RNF157: variants seen among roughly 807,000 people sequenced by gnomAD.
The protein encoded by RNF157 is E3 ubiquitin ligase RNF157.
A neutral mutation model predicts 88.3 loss-of-function variants in RNF157; 55 were observed. The ratio of observed to expected loss-of-function variants is 0.62; its 90% CI spans 0.50 to 0.78. The LOEUF is 0.78. Among genes scored for constraint, RNF157 ranks in the 30% least tolerant of loss-of-function variants. The pLI, the probability that RNF157 is intolerant of heterozygous loss-of-function variation, is 0.00. For missense variants in RNF157, 788 were observed against 860.8 expected (o/e 0.92, Z 1.06); for synonymous variants, 334 against 341.2 (o/e 0.98, Z 0.23).
chr17:76,200,237 G>A lies in RNF157; in HGVS notation c.207+12127C>T, dbSNP rs111240771. ...AGCCTGGGCGACAGAGCGGGACTCCGTCTTGTCAAAAAAAAAAACAAAAAC... is the reference window on the plus strand; with the variant it reads ...AGCCTGGGCGACAGAGCGGGACTCCATCTTGTCAAAAAAAAAAACAAAAAC... On this transcript the variant is annotated intron_variant, in intron 2 of 18. Transcript: ENST00000269391. Among the ~76,000 whole-genome samples the A allele has an allele frequency of 7.6e-3, 1,151 of 150,658 alleles. 18 individuals carry two copies. The highest frequency in any genetic ancestry group is 0.026 in the African/African-American group (1,078 of 41,064).
At chr17:76,206,872 CT>C (rs1224320513) in intron 2 of RNF157, among the ~76,000 whole-genome samples, 96 of 152,194 alleles carry the variant, frequency 6.3e-4, no homozygotes, top group Non-Finnish European at 1.2e-4. Context: ...GCTAACATTG[CT>C]GCATGCTGCT....
chr17:76,188,055 C>A (rs899527209), intron 2 of RNF157, among the ~76,000 whole-genome samples: 1 of 152,180 alleles, frequency 6.6e-6, no homozygotes, highest in Non-Finnish European at 1.5e-5. Context: ...TCAGTCACCC[C>A]CCAATAGCAG....
At chr17:76,220,599 A>G (rs2069964892) in intron 1 of RNF157, among the ~76,000 whole-genome samples, 1 of 152,106 alleles carries the variant, frequency 6.6e-6, no homozygotes. Context: ...CCTTGAGCCC[A>G]GAAGTTTGAG....
chr17:76,200,391 C>G (rs371809616), intron 2 of RNF157, among the ~76,000 whole-genome samples: 1 of 152,276 alleles, frequency 6.6e-6, no homozygotes, highest in East Asian at 1.9e-4. Flanking sequence ...ATTATTCAGC[C>G]TTAAAAAGGA....
rs1213400329 is a variant in RNF157 at position 76,195,137 on chromosome 17, C to G, written c.207+17227G>C. On this transcript the variant is annotated intron_variant, in intron 2 of 18. Transcript: ENST00000269391. This position sits in a 1 kb window ranked among gnomAD's most constrained non-coding sequence, Gnocchi z 4.4. ...TCAGGAGAACAGAAAGGGCCGAAAT[C>G]CCAAATGGCAGAAACATATTCATGT... Among the ~76,000 whole-genome samples the G allele has an allele frequency of 6.6e-6, 1 of 152,182 alleles. No homozygotes were observed. The highest frequency in any genetic ancestry group is 1.5e-5 in the Non-Finnish European group (1 of 68,030).
At position 76,232,715 on chromosome 17, in the gene RNF157, T is replaced by C. The variant is rs565010869; in HGVS notation, c.88+7438A>G. On this transcript the variant is annotated intron_variant, in intron 1 of 18. Transcript: ENST00000269391. Reference sequence around the variant, plus strand: ...TACTATTTTACATTTCCCATAACACTTCATAAAGATTCCAATTCCTCTGCA... The same window carrying C: ...TACTATTTTACATTTCCCATAACACCTCATAAAGATTCCAATTCCTCTGCA... Among the ~76,000 whole-genome samples the C allele has an allele frequency of 5.9e-5, 9 of 152,336 alleles. No individual in the cohort carries two copies. In the East Asian group the frequency reaches 1.5e-3, roughly 26 times the overall value.
chr17:76,159,534 G>A lies in RNF157; in HGVS notation c.1105C>T (p.Leu369Phe). The A allele has an allele frequency of 6.2e-7, 1 of 1,600,948 alleles. No individual in the cohort carries two copies. The highest frequency in any genetic ancestry group is 1.7e-4 in the Middle Eastern group (1 of 6,010). ...NIPPGYEVVS[L>F]LEALNGPLTP... ...AGGGGCCCGTTGAGGGCCTCCAGAAGAGATACTACTTCATAGCCTGGTGGA... is the reference window on the plus strand; with the variant it reads ...AGGGGCCCGTTGAGGGCCTCCAGAAAAGATACTACTTCATAGCCTGGTGGA... The change falls in exon 12 of 19, where the codon CTT (leucine) becomes TTT (phenylalanine). Residue 369 changes from leucine to phenylalanine, a missense_variant. Coordinates refer to ENST00000269391, the MANE Select transcript of RNF157 (RefSeq NM_052916.3).
chr17:76,204,928 G>C (rs2069653374), intron 2 of RNF157, among the ~76,000 whole-genome samples: 3 of 151,696 alleles, frequency 2.0e-5, no homozygotes, highest in Admixed American at 1.3e-4. Flanking sequence ...GGGATTACAA[G>C]CACCTGCCAC....
chr17:76,214,355 GT>G (rs1209346118), intron 1 of RNF157, among the ~76,000 whole-genome samples: 6 of 152,150 alleles, frequency 3.9e-5, no homozygotes, highest in East Asian at 1.9e-4. Flanking sequence ...GAGAAACTGA[GT>G]TTTTTTCCTA....
At chr17:76,208,339 G>T (rs2069717415) in intron 2 of RNF157, among the ~76,000 whole-genome samples, 1 of 152,190 alleles carries the variant, frequency 6.6e-6, no homozygotes, top group Admixed American at 6.5e-5. Flanking sequence ...AGCAAAAATG[G>T]CAGCATGGTT....
In RNF157 at chr17:76,226,629, C is replaced by G. The variant is rs987529184; in HGVS notation, c.88+13524G>C. 3.7e-6 allele frequency: 6 copies of G among 1,612,898 alleles called. No homozygotes were observed. The African/African-American group carries it at 8.0e-5, about 22-fold the overall frequency. ...ACCAACCCATCCACAGTCAGCCATT[C>G]GGAGGAGCCCGCCTTAGCCTTGTCG... On this transcript the variant is annotated intron_variant, in intron 1 of 18. Coordinates refer to ENST00000269391, the MANE Select transcript of RNF157 (RefSeq NM_052916.3).
chr17:76,155,307 G>C lies in RNF157; in HGVS notation c.1709C>G (p.Ala570Gly), dbSNP rs1245133315. ...AGCAAAGTTGCTGTCTGGAGACTCC[G>C]CTGGCAGCCCCTGCAGAAGAGCACA... ...APSEEGEGLPAESPDSNFAGL... is the reference protein window; with the variant it reads ...APSEEGEGLPGESPDSNFAGL... The change falls in exon 16 of 19, where the codon GCG becomes GGG. Residue 570 changes from alanine (A) to glycine (G), a missense_variant. Coordinates refer to ENST00000269391, the MANE Select transcript of RNF157 (RefSeq NM_052916.3). 1 of 1,614,074 alleles carries C rather than the reference G, an allele frequency of 6.2e-7. No individual in the cohort carries two copies. The highest frequency in any genetic ancestry group is 1.7e-5 in the Admixed American group (1 of 60,036).
Position 76,158,324 on chromosome 17 carries a change from T to C in RNF157, c.1413+69A>G, listed in dbSNP as rs569732057. On this transcript the variant is annotated intron_variant, in intron 13 of 18. Transcript: ENST00000269391. ...AGTGAATGAGAGCAGAGGGACCTGA[T>C]GAGGCATGCAGGTAGGAGGGAAGTC... The C allele has an allele frequency of 3.9e-4, 389 of 995,454 alleles. 1 individual carries two copies. The highest frequency in any genetic ancestry group is 5.9e-4 in the Non-Finnish European group (367 of 623,676). The allele number at this position is 995,454 out of a possible 1,614,324, so 61.7% of individuals were successfully genotyped here.
intron 1 of RNF157, among the ~76,000 whole-genome samples, chr17:76,229,646 A>G (rs567104085): frequency 6.6e-6 from 1 of 152,186 alleles, no homozygotes; most frequent in Non-Finnish European, 1.5e-5. Context: ...AGGAGGAGGA[A>G]TCAAGGGCAC....
intron 13 of RNF157, 198 bp from the exon 14 acceptor site, chr17:76,156,519 G>T: frequency 7.1e-7 from 1 of 1,412,414 alleles, no homozygotes; most frequent in Non-Finnish European, 9.2e-7. Flanking sequence ...CCTCCCAGGG[G>T]AGGCGCACAC....
chr17:76,146,249 G>T lies in RNF157; in HGVS notation c.1922-896C>A. 1.5e-6 allele frequency: 1 copy of T among 652,664 alleles called. No homozygotes were observed. Among genetic ancestry groups the T allele is most frequent in the Non-Finnish European group, 1.9e-6 (1 of 526,042 alleles). The allele number at this position is 652,664 out of a possible 1,614,324, so 40.4% of individuals were successfully genotyped here. On this transcript the variant is annotated intron_variant, in intron 18 of 18. Coordinates refer to ENST00000269391, the MANE Select transcript of RNF157 (RefSeq NM_052916.3). The surrounding 1 kb of genome is among the most constrained non-coding windows in gnomAD (Gnocchi z 4.2). Reference sequence around the variant, plus strand: ...GACCTTGGGCACATCAGTTTACTGTGGGCCTTGGTTTTCTCACCCATCAGA... The same window carrying T: ...GACCTTGGGCACATCAGTTTACTGTTGGCCTTGGTTTTCTCACCCATCAGA...
chr17:76,187,939 G>A (rs773955465), intron 2 of RNF157, among the ~76,000 whole-genome samples: 1 of 152,006 alleles, frequency 6.6e-6, no homozygotes, highest in Non-Finnish European at 1.5e-5. Flanking sequence ...AAAGATGTGC[G>A]GAAACCCTAA....
At chr17:76,218,132 G>T (rs1768792004) in intron 1 of RNF157, among the ~76,000 whole-genome samples, 1 of 152,070 alleles carries the variant, frequency 6.6e-6, no homozygotes, top group Admixed American at 6.6e-5. Context: ...AAAGGTATGA[G>T]CCAGAATGAT....
rs141160254 is a variant in RNF157 at position 76,193,070 on chromosome 17, C to T, written c.208-19280G>A. Among the ~76,000 whole-genome samples the T allele has an allele frequency of 3.4e-3, 522 of 152,274 alleles. 2 individuals carry two copies. Among genetic ancestry groups the T allele is most frequent in the African/African-American group, 0.011 (468 of 41,548 alleles). On this transcript the variant is annotated intron_variant, in intron 2 of 18. Transcript: ENST00000269391. ...CAGAGCTCAAGTGATCCTCCCGCCT[C>T]GGCCTCCCAACATGCTGGGATTACA...
Sources: gnomAD v4.1 joint callset for allele counts (sites outside exome capture counted in the v4.1 genomes callset) on GRCh38, gnomAD v4.1.1 for gene constraint, Gnocchi (gnomAD v3.1) non-coding constraint, MANE v1.5 for transcripts, NCBI Gene and HGNC (gene_info 2026-07-23, HGNC 2026-07-21) for gene names.